LEF1: variants seen among roughly 807,000 people sequenced by gnomAD.
LEF1 encodes lymphoid enhancer-binding factor 1.
Under a neutral mutation model 51.2 loss-of-function variants are expected in LEF1, and 14 were observed. That is an observed-to-expected ratio of 0.27 (90% confidence interval 0.18 to 0.43). The LOEUF (loss-of-function observed/expected upper bound fraction) is 0.43, where lower values mean the gene tolerates loss of function less well. Among genes scored for constraint, LEF1 ranks in the 20% least tolerant of loss-of-function variants. LEF1 has a pLI of 1.00. For synonymous variants in LEF1, 185 were observed against 183.2 expected (o/e 1.01, Z -0.08); for missense variants, 386 against 512.0 (o/e 0.75, Z 2.37).
At chr4:108,072,795 T>C (rs1282598339) in intron 8 of LEF1, 2 of 152,234 alleles carry the variant, frequency 1.3e-5, no homozygotes, top group Non-Finnish European at 2.9e-5. Flanking sequence ...AAAGTCACAC[T>C]GCTGCTAGCA....
intron 11 of LEF1, among the ~76,000 whole-genome samples, chr4:108,052,202 A>C (rs1312162867): frequency 1.3e-5 from 2 of 152,210 alleles, no homozygotes; most frequent in East Asian, 3.9e-4. Context: ...TGTCCAGGCC[A>C]AGGCAAGGGC....
At chr4:108,063,726 T>C (rs1290167430) in intron 10 of LEF1, 63 bp from the exon 11 acceptor site, 1 of 1,056,944 alleles carries the variant, frequency 9.5e-7, no homozygotes, top group Non-Finnish European at 1.4e-6. Flanking sequence ...TCCAAATACG[T>C]AGTAGCTACA....
chr4:108,091,563 T>C (rs1272051732), intron 3 of LEF1, among the ~76,000 whole-genome samples: 1 of 152,122 alleles, frequency 6.6e-6, no homozygotes, highest in Non-Finnish European at 1.5e-5. Context: ...AAAACTTGCA[T>C]AGCTCATATA....
At chr4:108,050,169 G>A (rs115825108) in intron 11 of LEF1, among the ~76,000 whole-genome samples, 1,973 of 152,336 alleles carry the variant, frequency 0.013, 22 homozygotes, top group African/African-American at 0.024. Flanking sequence ...TTCAACTGAG[G>A]AGGTCCTCCA....
At chr4:108,139,686 C>G (rs925099371) in intron 3 of LEF1, among the ~76,000 whole-genome samples, 1 of 152,132 alleles carries the variant, frequency 6.6e-6, no homozygotes. Flanking sequence ...TGTGAGAGAC[C>G]TTTAGGGACG....
intron 11 of LEF1, among the ~76,000 whole-genome samples, chr4:108,056,440 C>T (rs148501289): frequency 2.9e-4 from 44 of 152,294 alleles, no homozygotes; most frequent in African/African-American, 1.0e-3. Context: ...CATTTGTTTC[C>T]GGCACTTGCC....
intron 3 of LEF1, among the ~76,000 whole-genome samples, chr4:108,107,257 G>C (rs1741226069): frequency 1.3e-5 from 2 of 151,138 alleles, no homozygotes. Flanking sequence ...CAGAGAGACA[G>C]AGAAAGGTGT....
At chr4:108,143,717 C>T (rs1255686090) in intron 3 of LEF1, among the ~76,000 whole-genome samples, 1 of 152,114 alleles carries the variant, frequency 6.6e-6, no homozygotes, top group Admixed American at 6.5e-5. Context: ...ATTTTAGTCA[C>T]CTGAACAGCA....
intron 11 of LEF1, among the ~76,000 whole-genome samples, chr4:108,061,872 G>A (rs1737715536): frequency 6.6e-6 from 1 of 152,180 alleles, no homozygotes; most frequent in Non-Finnish European, 1.5e-5. Context: ...TCACCTGGAG[G>A]AAAGCTTGCC....
At chr4:108,118,693 CAT>C (rs1247054617) in intron 3 of LEF1, among the ~76,000 whole-genome samples, 5 of 152,118 alleles carry the variant, frequency 3.3e-5, no homozygotes, top group African/African-American at 9.7e-5. Context: ...CAGTATGACT[CAT>C]GTGAACAATT....
intron 3 of LEF1, among the ~76,000 whole-genome samples, chr4:108,091,315 T>TA (rs981556107): frequency 6.6e-6 from 1 of 151,890 alleles, no homozygotes; most frequent in Admixed American, 6.6e-5. Flanking sequence ...AAATTAGCCA[T>TA]AAAAAATATG....
At chr4:108,158,187 C>G (rs546564783) in intron 3 of LEF1, among the ~76,000 whole-genome samples, 1 of 152,218 alleles carries the variant, frequency 6.6e-6, no homozygotes, top group Admixed American at 6.5e-5. Flanking sequence ...AATTCAAGAT[C>G]ATAATATTTA....
chr4:108,145,068 A>G (rs1004462847), intron 3 of LEF1, among the ~76,000 whole-genome samples: 3 of 152,206 alleles, frequency 2.0e-5, no homozygotes, highest in African/African-American at 7.2e-5. Flanking sequence ...TACAAAGAAT[A>G]CATAGCATTA....
At chr4:108,163,734 C>T in intron 2 of LEF1, 33 bp from the exon 3 acceptor site, 3 of 1,603,824 alleles carry the variant, frequency 1.9e-6, no homozygotes, top group South Asian at 2.2e-5. Flanking sequence ...CAATGATGCA[C>T]TGACTTCCCT....
At chr4:108,166,927 G>GA in intron 1 of LEF1, 2 of 619,468 alleles carry the variant, frequency 3.2e-6, no homozygotes, top group Non-Finnish European at 4.0e-6. Flanking sequence ...CAGGCGCTGG[G>GA]GCCGCAGGGA....
At chr4:108,085,458 G>A (rs1739581038) in intron 4 of LEF1, among the ~76,000 whole-genome samples, 1 of 152,222 alleles carries the variant, frequency 6.6e-6, no homozygotes, top group Non-Finnish European at 1.5e-5. Flanking sequence ...TAAGGCATCT[G>A]TTTTCTGTCC....
intron 4 of LEF1, among the ~76,000 whole-genome samples, chr4:108,087,894 T>A (rs935410020): frequency 1.8e-4 from 27 of 152,168 alleles, no homozygotes; most frequent in Non-Finnish European, 1.5e-5. Context: ...CTATCTTAAT[T>A]CCCTTTCTCA....
intron 3 of LEF1, among the ~76,000 whole-genome samples, chr4:108,112,192 T>A (rs953424593): frequency 6.6e-6 from 1 of 152,160 alleles, no homozygotes; most frequent in African/African-American, 2.4e-5. Flanking sequence ...GAAGCTTCCA[T>A]CTCTGGAACC....
At position 108,168,618 on chromosome 4, in the gene LEF1, G is replaced by A. The variant is rs1348085552; in HGVS notation, c.-851C>T. On this transcript the variant is annotated 5_prime_UTR_variant, in exon 1 of 12. Transcript: ENST00000265165. This position sits in a 1 kb window ranked among gnomAD's most constrained non-coding sequence, Gnocchi z 4.6. The stretch of plus-strand genomic sequence containing the variant: ...CGGAGTCTCGGGGAGTCACAGCGGG[G>A]GCCTCGGGCCCAAATGCCTCTGCCC... 6 of 152,168 alleles carry A rather than the reference G, an allele frequency of 3.9e-5. No homozygotes were observed. Among genetic ancestry groups the A allele is most frequent in the Non-Finnish European group, 7.3e-5 (5 of 68,088 alleles). The allele number at this position is 152,168 out of a possible 1,614,324, so 9.4% of individuals were successfully genotyped here.
Sources: allele counts gnomAD v4.1 joint callset (sites outside exome capture counted in the v4.1 genomes callset), GRCh38; gene constraint gnomAD v4.1.1; non-coding constraint Gnocchi (gnomAD v3.1); transcripts MANE v1.5; gene names NCBI Gene and HGNC (gene_info 2026-07-23, HGNC 2026-07-21).